The following NUP210L variants were observed in gnomAD, a reference collection of about 807,000 sequenced individuals.
NUP210L encodes the protein nucleoporin 210 like.
A neutral mutation model predicts 208.5 loss-of-function variants in NUP210L; 74 were observed. The ratio of observed to expected loss-of-function variants is 0.35; its 90% CI spans 0.29 to 0.43. NUP210L has a LOEUF of 0.43. Among genes scored for constraint, NUP210L ranks in the 20% least tolerant of loss-of-function variants. The pLI is 1.00. For synonymous variants in NUP210L, 780 were observed against 816.9 expected, an observed-to-expected ratio of 0.95 and a Z score of 0.77; for missense variants, 1,843 against 2,289.4, an observed-to-expected ratio of 0.81 and a Z score of 3.98.
chr1:154,058,294 A>T, intron 21 of NUP210L, 78 bp from the exon 22 acceptor site: 1 of 1,470,260 alleles, frequency 6.8e-7, no homozygotes, highest in Non-Finnish European at 9.3e-7. Flanking sequence ...AGGGCAGTGT[A>T]CTTTTTTTTT....
At chr1:154,106,447 G>A (rs1209023427) in intron 12 of NUP210L, among the ~76,000 whole-genome samples, 1 of 152,108 alleles carries the variant, frequency 6.6e-6, no homozygotes, top group Non-Finnish European at 1.5e-5. Context: ...ATCCTGAAAC[G>A]AAGGCCACAA....
exon 31 of NUP210L, chr1:154,023,256 C>T (rs2147930133): frequency 1.2e-6 from 2 of 1,612,678 alleles, no homozygotes; most frequent in South Asian, 1.1e-5. Flanking sequence ...CTGTGTATAG[C>T]TTGGGTTGGC....
intron 32 of NUP210L, among the ~76,000 whole-genome samples, chr1:154,021,127 A>C (rs1393274655): frequency 6.6e-6 from 1 of 151,308 alleles, no homozygotes. Context: ...TTTTTAGTAG[A>C]GATGGGGTTT....
At chr1:154,120,434 A>C (rs1571297504) in intron 10 of NUP210L, among the ~76,000 whole-genome samples, 1 of 152,060 alleles carries the variant, frequency 6.6e-6, no homozygotes, top group East Asian at 1.9e-4. Flanking sequence ...CAATGAGAAC[A>C]CTTGGACACA....
At chr1:154,075,951 G>A (rs149300544) in intron 16 of NUP210L, among the ~76,000 whole-genome samples, 1 of 151,754 alleles carries the variant, frequency 6.6e-6, no homozygotes, top group East Asian at 1.9e-4. Context: ...CACCATGCAT[G>A]GCTAATTTTT....
intron 12 of NUP210L, chr1:154,104,527 AC>A (rs1656644387): frequency 3.4e-6 from 1 of 292,498 alleles, no homozygotes; most frequent in Non-Finnish European, 6.5e-6. Flanking sequence ...GAATCTGTGC[AC>A]CTGGGGAGTA....
intron 16 of NUP210L, chr1:154,079,565 T>G (rs1489542054): frequency 1.3e-5 from 2 of 152,296 alleles, no homozygotes; most frequent in Non-Finnish European, 1.5e-5. Context: ...AACTGAAATC[T>G]TTACAGAAAA....
Position 154,025,073 on chromosome 1 carries a change from C to T in NUP210L, c.4122+469G>A, listed in dbSNP as rs563951298. Among the ~76,000 whole-genome samples, 17 of 151,754 alleles carry T rather than the reference C, an allele frequency of 1.1e-4. No homozygotes were observed. In the South Asian group the frequency reaches 1.9e-3, roughly 17 times the overall value. ...CCTCCTGAGTAGCTGGGACTACAGGCGCCCGCCACCTCGCCCAGCTAATTT... is the reference window on the plus strand; with the variant it reads ...CCTCCTGAGTAGCTGGGACTACAGGTGCCCGCCACCTCGCCCAGCTAATTT... On this transcript the variant is annotated intron_variant, in intron 30 of 39. Coordinates refer to ENST00000368559, the Ensembl canonical transcript of NUP210L.
intron 17 of NUP210L, among the ~76,000 whole-genome samples, chr1:154,065,316 C>T (rs1048892861): frequency 1.4e-5 from 2 of 148,112 alleles, no homozygotes; most frequent in Non-Finnish European, 3.0e-5. Context: ...GCTACTAGGG[C>T]GGCTGAGGCA....
chr1:154,139,605 G>A (rs1365496825), intron 5 of NUP210L, among the ~76,000 whole-genome samples, 197 bp downstream of exon 5: 1 of 151,652 alleles, frequency 6.6e-6, no homozygotes, highest in Non-Finnish European at 1.5e-5. Flanking sequence ...GGGGCAGGCA[G>A]ACTGCTTGAG....
chr1:154,149,614 T>C (rs895183238), intron 2 of NUP210L, among the ~76,000 whole-genome samples: 27 of 151,924 alleles, frequency 1.8e-4, no homozygotes, highest in African/African-American at 6.5e-4. Flanking sequence ...GAGGCTGAAG[T>C]AGGGGGATCA....
At chr1:154,114,392 A>C (rs1657210261) in intron 12 of NUP210L, among the ~76,000 whole-genome samples, 1 of 152,084 alleles carries the variant, frequency 6.6e-6, no homozygotes. Flanking sequence ...TTAAAGTGAC[A>C]TTTACATTAC....
At chr1:153,994,314 T>C (rs1432673070) in intron 38 of NUP210L, among the ~76,000 whole-genome samples, 1 of 152,116 alleles carries the variant, frequency 6.6e-6, no homozygotes, top group Non-Finnish European at 1.5e-5. Context: ...TGGTAGTAAG[T>C]TGAGGACCTT....
In NUP210L at chr1:154,088,308, A is replaced by G. The variant is rs116038861; in HGVS notation, c.2361+1113T>C. 5.7e-4 allele frequency among the ~76,000 whole-genome samples: 86 copies of G among 151,820 alleles called. 2 individuals are homozygous for G. The highest frequency in any genetic ancestry group is 7.7e-4 in the Non-Finnish European group (52 of 67,920). On this transcript the variant is annotated intron_variant, in intron 16 of 39. Transcript: ENST00000368559. ...GGTGCCATGTGCTCCAGCCTGGATGACTGCAGTGAGACCCTGTCTCAAAAA... is the reference window on the plus strand; with the variant it reads ...GGTGCCATGTGCTCCAGCCTGGATGGCTGCAGTGAGACCCTGTCTCAAAAA...
At chr1:154,060,786 C>T (rs1391301250) in intron 19 of NUP210L, 145 bp from the exon 20 acceptor site, 7 of 754,796 alleles carry the variant, frequency 9.3e-6, no homozygotes, top group Non-Finnish European at 1.1e-5. Context: ...TATTAAAGTA[C>T]AATTTTTAAG....
chr1:154,038,841 C>T (rs562401104), intron 27 of NUP210L, among the ~76,000 whole-genome samples: 16 of 152,254 alleles, frequency 1.1e-4, no homozygotes, highest in African/African-American at 3.6e-4. Context: ...ACTGATGACA[C>T]TTAACACTGG....
intron 16 of NUP210L, among the ~76,000 whole-genome samples, chr1:154,076,087 G>A (rs1270456915): frequency 1.3e-5 from 2 of 148,958 alleles, no homozygotes; most frequent in African/African-American, 4.9e-5. Flanking sequence ...CCATGCCTGG[G>A]CCAGACAAAG....
At chr1:154,053,099 T>C (rs1653617050) in intron 25 of NUP210L, among the ~76,000 whole-genome samples, 1 of 152,172 alleles carries the variant, frequency 6.6e-6, no homozygotes. Flanking sequence ...TAAAAAAGCA[T>C]CTAGAAGGAC....
At chr1:154,027,469 T>C (rs1651956965) in intron 29 of NUP210L, 37 bp downstream of exon 29, 2 of 1,385,582 alleles carry the variant, frequency 1.4e-6, no homozygotes, top group African/African-American at 1.4e-5. Flanking sequence ...TACTTAAGCT[T>C]AGATCCTGGC....
Sources: allele counts gnomAD v4.1 joint callset (sites outside exome capture counted in the v4.1 genomes callset), GRCh38; gene constraint gnomAD v4.1.1; transcripts MANE v1.5; gene names NCBI Gene and HGNC (gene_info 2026-07-23, HGNC 2026-07-21).